Variants in ITGAE observed in about 807,000 individuals in gnomAD.
ITGAE encodes integrin subunit alpha E.
ITGAE carries 99 observed loss-of-function variants against 136.5 expected under a neutral mutation model. That is an observed-to-expected ratio of 0.73 (90% CI 0.62 to 0.86). The LOEUF (loss-of-function observed/expected upper bound fraction) is 0.86. Ranked by LOEUF, ITGAE falls within the 40% of genes least tolerant of loss-of-function variation. ITGAE has a pLI of 0.00. For synonymous variants in ITGAE, 613 were observed against 591.8 expected, an observed-to-expected ratio of 1.04 and a Z score of -0.52; for missense variants, 1,447 against 1,515.3, an observed-to-expected ratio of 0.95 and a Z score of 0.75.
At position 3,757,755 on chromosome 17, in the gene ITGAE, G is replaced by A. The variant is rs2052064500; in HGVS notation, c.971C>T (p.Thr324Ile). The A allele has an allele frequency of 1.9e-6, 3 of 1,614,156 alleles. No homozygotes were observed. The highest frequency in any genetic ancestry group is 2.5e-6 in the Non-Finnish European group (3 of 1,180,030). The change falls in exon 9 of 31, where the codon ACA (threonine) becomes ATA (isoleucine). Residue 324 changes from threonine to isoleucine, a missense_variant. Physicochemically the swap from Thr to Ile is moderately conservative, Grantham distance 89 (BLOSUM62 -1). Coordinates refer to ENST00000263087, the MANE Select transcript of ITGAE (RefSeq NM_002208.5). ...GIFEDPLNLT[T>I]VINSPKMQGV... ...CTGCATTTTGGGGGAGTTGATGACT[G>A]TCGTAAGGTTGAGGGGGTCCTCGAA...
intron 14 of ITGAE, among the ~76,000 whole-genome samples, chr17:3,752,532 G>T (rs2051896846): frequency 1.3e-5 from 2 of 152,214 alleles, no homozygotes. Context: ...AAGGTAGGTG[G>T]ATCACCTGAG....
chr17:3,763,306 G>GTTCATTCATTCATTCA (rs55992020), intron 3 of ITGAE, among the ~76,000 whole-genome samples: 174 of 150,642 alleles, frequency 1.2e-3, no homozygotes, highest in African/African-American at 3.7e-3. Context: ...AGTGAATCAG[G>GTTCATTCATTCATTCA]TTCATTCATT....
chr17:3,761,355 G>A (rs764562416), intron 5 of ITGAE, 48 bp downstream of exon 5: 7 of 1,559,546 alleles, frequency 4.5e-6, no homozygotes, highest in Middle Eastern at 1.7e-4. Context: ...TGGAGACCAA[G>A]GAGATCTCTT....
In ITGAE at chr17:3,755,115, A is replaced by ATCAGGGGGG. The variant is rs71153394; in HGVS notation, c.1384+1_1384+2insCCCCCCTGA. 1 of 1,565,596 alleles carries ATCAGGGGGG rather than the reference A, an allele frequency of 6.4e-7. No homozygotes were observed. The highest frequency in any genetic ancestry group is 8.7e-7 in the Non-Finnish European group (1 of 1,154,088). On this transcript the variant is annotated splice_donor_variant, in intron 12 of 30. Transcript: ENST00000263087. LOFTEE classifies it high-confidence loss of function. The stretch of plus-strand genomic sequence containing the variant: ...GCCCTCATCAGGTGGCCCCGCCCTC[A>ATCAGGGGGG]CCCAGGTAGCTGTACTGCGCAGCCT...
chr17:3,739,619 G>A (rs112267489), intron 20 of ITGAE, among the ~76,000 whole-genome samples, 186 bp downstream of exon 20: 69 of 152,302 alleles, frequency 4.5e-4, no homozygotes, highest in African/African-American at 1.5e-3. Context: ...AAAGTGGGAA[G>A]ACAGATCTCT....
At chr17:3,746,863 T>C (rs2051729717) in intron 17 of ITGAE, among the ~76,000 whole-genome samples, 1 of 152,088 alleles carries the variant, frequency 6.6e-6, no homozygotes, top group Non-Finnish European at 1.5e-5. Context: ...AGTGCTGGGA[T>C]TACAGGCGTG....
At chr17:3,732,634 C>T (rs917816303) in intron 21 of ITGAE, among the ~76,000 whole-genome samples, 168 bp from the exon 22 acceptor site, 4 of 152,184 alleles carry the variant, frequency 2.6e-5, no homozygotes, top group African/African-American at 7.2e-5. Flanking sequence ...CCTCACAAGC[C>T]GGACAGGCAG....
chr17:3,725,365 A>G (rs2051185417), intron 26 of ITGAE: 2 of 1,614,208 alleles, frequency 1.2e-6, no homozygotes, highest in Middle Eastern at 1.6e-4. Flanking sequence ...CCCTTTAGCC[A>G]TTGCCTTCCC....
intron 1 of ITGAE, among the ~76,000 whole-genome samples, chr17:3,795,975 A>G (rs1159986850): frequency 2.9e-5 from 2 of 69,626 alleles, no homozygotes; most frequent in Admixed American, 1.7e-4. Context: ...GCGTGTGTGC[A>G]TCCGTGTGTG....
At chr17:3,766,516 T>C (rs2052301002) in intron 2 of ITGAE, among the ~76,000 whole-genome samples, 1 of 151,920 alleles carries the variant, frequency 6.6e-6, no homozygotes, top group South Asian at 2.1e-4. Flanking sequence ...GATAATAAAC[T>C]TGCAGCTGGG....
At position 3,720,352 on chromosome 17, in the gene ITGAE, G is replaced by C. The variant is rs1240286445; in HGVS notation, c.3288C>G (p.Asn1096Lys). ...CATTCAGTCCCTCATATAGAGATTT[G>C]TTGAAAGATATTTCACCAAGGATCT... The part of the protein sequence containing the change: ...ELQILGEISF[N>K]KSLYEGLNAE... The change falls in exon 29 of 31, where the codon AAC (asparagine) becomes AAG (lysine). Residue 1096 changes from asparagine to lysine, a missense_variant. Asn to Lys is a moderately conservative substitution (Grantham distance 94). This residue lies in a region of ITGAE where 1,031 missense variants were observed against 1,011.4 expected (regional missense o/e 1.02). Transcript: ENST00000263087. 6.3e-7 allele frequency: 1 copy of C among 1,591,604 alleles called. No individual in the cohort carries two copies. The highest frequency in any genetic ancestry group is 8.6e-7 in the Non-Finnish European group (1 of 1,159,570).
In ITGAE at chr17:3,798,615, C is replaced by A. The variant is rs958529286; in HGVS notation, c.34+2496G>T. Among the ~76,000 whole-genome samples the A allele has an allele frequency of 9.9e-5, 15 of 152,212 alleles. No individual in the cohort carries two copies. Among genetic ancestry groups the A allele is most frequent in the Admixed American group, 3.3e-4 (5 of 15,290 alleles). On this transcript the variant is annotated intron_variant, in intron 1 of 30. Coordinates refer to ENST00000263087, the MANE Select transcript of ITGAE (RefSeq NM_002208.5). This position sits in a 1 kb window ranked among gnomAD's most constrained non-coding sequence, Gnocchi z 4.3. ...TATCACGCACAGGCCCGGGGTGATG[C>A]CCCGGCACAGCCCCTGGCCTCAGCC...
At chr17:3,790,722 G>A (rs970182039) in intron 1 of ITGAE, among the ~76,000 whole-genome samples, 1 of 152,050 alleles carries the variant, frequency 6.6e-6, no homozygotes, top group Non-Finnish European at 1.5e-5. Flanking sequence ...TGCAACACAC[G>A]TGACCAAACT....
chr17:3,783,852 TAAC>T (rs1316549796), intron 1 of ITGAE, among the ~76,000 whole-genome samples: 2 of 152,238 alleles, frequency 1.3e-5, no homozygotes, highest in African/African-American at 4.8e-5. Context: ...ATTTATCCAA[TAAC>T]ATCATTTCAA....
intron 1 of ITGAE, among the ~76,000 whole-genome samples, chr17:3,796,040 C>T (rs2053078234): frequency 3.2e-5 from 2 of 63,420 alleles, no homozygotes; most frequent in South Asian, 7.8e-4. Flanking sequence ...CGTGTGCATC[C>T]GTGTGTGCAT....
rs117707896 is a variant in ITGAE, at chr17:3,732,428, C to T, written c.2694G>A (p.Pro898=). ...SPNIQCDDPQ[P]VASVLIMNCR... ...AGTTCATGATCAGGACAGAAGCAAC[C>T]GGCTGAGGGTCATCACACTGAATGT... The change falls in exon 22 of 31, where the codon CCG becomes CCA. Residue 898 remains proline, a synonymous_variant. Coordinates refer to ENST00000263087, the MANE Select transcript of ITGAE (RefSeq NM_002208.5). The T allele has an allele frequency of 2.8e-5, 45 of 1,614,092 alleles. No homozygotes were observed. In the African/African-American group the frequency reaches 2.8e-4, roughly 10 times the overall value.
intron 22 of ITGAE, among the ~76,000 whole-genome samples, chr17:3,731,561 C>T (rs2051344823): frequency 1.3e-5 from 2 of 150,660 alleles, no homozygotes; most frequent in African/African-American, 2.4e-5. Context: ...AGGCTGGTCT[C>T]GAACTCCTGA....
At chr17:3,762,012 G>C (rs1021193706) in intron 3 of ITGAE, 30 bp from the exon 4 acceptor site, 3 of 1,599,426 alleles carry the variant, frequency 1.9e-6, no homozygotes, top group Admixed American at 1.7e-5. Flanking sequence ...GTGAGGAGGA[G>C]GAGGGGACTC....
At chr17:3,776,493 G>A (rs1005936174) in intron 2 of ITGAE, among the ~76,000 whole-genome samples, 6 of 152,190 alleles carry the variant, frequency 3.9e-5, no homozygotes, top group Admixed American at 6.6e-5. Context: ...CAGGCTATGC[G>A]GCAAATCCAC....
Sources: gnomAD v4.1 joint callset for allele counts (sites outside exome capture counted in the v4.1 genomes callset) on GRCh38, gnomAD v4.1.1 for gene constraint, gnomAD v4.1.1 regional missense constraint, Gnocchi (gnomAD v3.1) non-coding constraint, MANE v1.5 for transcripts, NCBI Gene and HGNC (gene_info 2026-07-23, HGNC 2026-07-21) for gene names.